TRIM60: variants seen among roughly 807,000 people sequenced by gnomAD.
TRIM60 encodes the protein tripartite motif-containing protein 60.
For missense variants in TRIM60, 524 were observed against 540.8 expected (o/e 0.97, Z 0.31); for synonymous variants, 189 against 195.2 (o/e 0.97, Z 0.27).
intron 1 of TRIM60, among the ~76,000 whole-genome samples, chr4:165,033,350 C>G (rs1017649646): frequency 1.3e-5 from 2 of 152,144 alleles, no homozygotes; most frequent in African/African-American, 2.4e-5. Context: ...GCATAAGAAT[C>G]AGAGTTGGTA....
Position 165,041,048 on chromosome 4 carries a change from A to G in TRIM60, c.976A>G (p.Ile326Val). Reference protein sequence around the residue: ...AVRYERKKRNICYDPRRFYVC... With the variant: ...AVRYERKKRNVCYDPRRFYVC... ...GCGATATGAAAGAAAAAAACGAAACATTTGTTATGACCCAAGGAGATTTTA... is the reference window on the plus strand; with the variant it reads ...GCGATATGAAAGAAAAAAACGAAACGTTTGTTATGACCCAAGGAGATTTTA... Residue 326 changes from isoleucine to valine, a missense_variant, in exon 3 of 3, where the codon ATT becomes GTT. By Grantham distance (29) the Ile-to-Val change is conservative. Transcript: ENST00000512596. 1 of 1,613,978 alleles carries G rather than the reference A, an allele frequency of 6.2e-7. No homozygotes were observed.
intron 2 of TRIM60, 86 bp from the exon 3 acceptor site, chr4:165,039,983 G>A: frequency 9.9e-7 from 1 of 1,012,452 alleles, no homozygotes; most frequent in Non-Finnish European, 1.5e-6. Context: ...GGTCTGGGAG[G>A]GGTATCCACT....
intron 1 of TRIM60, among the ~76,000 whole-genome samples, chr4:165,035,453 G>C (rs370452995): frequency 6.6e-6 from 1 of 152,226 alleles, no homozygotes; most frequent in Non-Finnish European, 1.5e-5. Context: ...GAAACCAAGC[G>C]TAAGCTTCCA....
intron 1 of TRIM60, among the ~76,000 whole-genome samples, chr4:165,038,294 AT>A (rs1387420309): frequency 6.6e-6 from 1 of 152,164 alleles, no homozygotes; most frequent in Admixed American, 6.5e-5. Context: ...TACATACTCC[AT>A]TTTTTCAATT....
intron 1 of TRIM60, among the ~76,000 whole-genome samples, chr4:165,034,191 C>A (rs1733568959): frequency 6.6e-6 from 1 of 150,612 alleles, no homozygotes; most frequent in African/African-American, 2.5e-5. Flanking sequence ...CTCACTCTGT[C>A]GCCCAGGATG....
In TRIM60 at chr4:165,041,696, T is replaced by G. The variant is rs1273823634; in HGVS notation, c.*208T>G. 1.0e-5 allele frequency: 4 copies of G among 398,456 alleles called. No individual in the cohort carries two copies. Among genetic ancestry groups the G allele is most frequent in the South Asian group, 2.4e-4 (2 of 8,294 alleles). The allele number at this position is 398,456 out of a possible 1,614,324, so 24.7% of individuals were successfully genotyped here. ...TGCTTTGATTTCTAAGATAAAATATTTTAGAATTATGTTACTTAACATGTC... is the reference window on the plus strand; with the variant it reads ...TGCTTTGATTTCTAAGATAAAATATGTTAGAATTATGTTACTTAACATGTC... On this transcript the variant is annotated 3_prime_UTR_variant, in exon 3 of 3. Transcript: ENST00000512596.
At chr4:165,039,800 G>A in intron 2 of TRIM60, among the ~76,000 whole-genome samples, 1 of 99,102 alleles carries the variant, frequency 1.0e-5, no homozygotes, top group East Asian at 2.8e-4. Context: ...GCGAGACTCC[G>A]TCTCAAAAAA....
At chr4:165,039,778 C>T (rs1733707443) in intron 2 of TRIM60, among the ~76,000 whole-genome samples, 1 of 136,824 alleles carries the variant, frequency 7.3e-6, no homozygotes, top group Non-Finnish European at 1.5e-5. Context: ...GCAGTCCGGC[C>T]TGGGCGACAG....
At chr4:165,038,754 A>G (rs567398021) in intron 1 of TRIM60, among the ~76,000 whole-genome samples, 206 of 151,488 alleles carry the variant, frequency 1.4e-3, no homozygotes, top group Non-Finnish European at 2.5e-3. Flanking sequence ...ATTGTTATAT[A>G]TACATACATA....
chr4:165,040,148 C>T lies in TRIM60; in HGVS notation c.76C>T (p.Pro26Ser), dbSNP rs1242880054. 3 of 1,614,000 alleles carry T rather than the reference C, an allele frequency of 1.9e-6. No individual in the cohort carries two copies. Among genetic ancestry groups the T allele is most frequent in the African/African-American group, 2.7e-5 (2 of 74,996 alleles). Reference sequence around the variant, plus strand: ...CATCTGTCTGGAGTACTTGAAAGACCCAGTGACCATCAACTGTGGGCACAA... The same window carrying T: ...CATCTGTCTGGAGTACTTGAAAGACTCAGTGACCATCAACTGTGGGCACAA... ...CPICLEYLKDPVTINCGHNFC... is the reference protein window; with the variant it reads ...CPICLEYLKDSVTINCGHNFC... The change falls in exon 3 of 3, where the codon CCA (proline) becomes TCA (serine). Residue 26 changes from proline (P) to serine (S), a missense_variant. Physicochemically the swap from Pro to Ser is moderately conservative, Grantham distance 74. Coordinates refer to ENST00000512596, the MANE Select transcript of TRIM60 (RefSeq NM_152620.3).
chr4:165,041,111 T>G lies in TRIM60; in HGVS notation c.1039T>G (p.Ser347Ala), dbSNP rs1733754888. Residue 347 changes from serine to alanine, a missense_variant, in exon 3 of 3, where the codon TCT becomes GCT. Transcript: ENST00000512596. ...TGTCCTAGGCTCTCAGAGATTTAGT[T>G]CTGGCCGACATTACTGGGAAGTAGA... is the stretch of plus-strand genomic sequence containing the variant. Reference protein sequence around the residue: ...PAVLGSQRFSSGRHYWEVEVG... With the variant: ...PAVLGSQRFSAGRHYWEVEVG... 2 of 1,614,246 alleles carry G rather than the reference T, an allele frequency of 1.2e-6. No individual in the cohort carries two copies. The highest frequency in any genetic ancestry group is 1.7e-6 in the Non-Finnish European group (2 of 1,180,038).
chr4:165,032,313 A>G (rs143351917), intron 1 of TRIM60, among the ~76,000 whole-genome samples: 206 of 152,280 alleles, frequency 1.4e-3, no homozygotes, highest in African/African-American at 4.6e-3. Context: ...CAGTGGCGCA[A>G]TCTCGCCTCA....
Position 165,041,529 on chromosome 4 carries a change from T to C in TRIM60, c.*41T>C. On this transcript the variant is annotated 3_prime_UTR_variant, in exon 3 of 3. Coordinates refer to ENST00000512596, the MANE Select transcript of TRIM60 (RefSeq NM_152620.3). ...GTCTGTTTCAGTTTTTGTAGGTAAC[T>C]TAGCCAGTAAATTTAATCTCATTTC... is the stretch of plus-strand genomic sequence containing the variant. 1 of 1,356,484 alleles carries C rather than the reference T, an allele frequency of 7.4e-7. No homozygotes were observed. The highest frequency in any genetic ancestry group is 1.0e-6 in the Non-Finnish European group (1 of 1,002,942). 84.0% of individuals were successfully genotyped at this position (1,356,484 alleles called of 1,614,324 possible).
In TRIM60 at chr4:165,040,103, C is replaced by G. The variant is rs577290345; in HGVS notation, c.31C>G (p.Gln11Glu). Residue 11 changes from glutamine to glutamate, a missense_variant, in exon 3 of 3, where the codon CAA becomes GAA. Gln to Glu is a conservative substitution (Grantham distance 29, BLOSUM62 2). Coordinates refer to ENST00000512596, the MANE Select transcript of TRIM60 (RefSeq NM_152620.3). ...GTTTGTGACAGCCCTGGTGAACCTC[C>G]AAGAGGAGTCTAGCTGTCCCATCTG... MEFVTALVNLQEESSCPICLE... is the reference protein window; with the variant it reads MEFVTALVNLEEESSCPICLE... The G allele has an allele frequency of 3.1e-6, 5 of 1,613,026 alleles. No homozygotes were observed. In the African/African-American group the frequency reaches 6.7e-5, roughly 22 times the overall value.
At chr4:165,036,401 T>C (rs1477768934) in intron 1 of TRIM60, among the ~76,000 whole-genome samples, 2 of 152,208 alleles carry the variant, frequency 1.3e-5, no homozygotes, top group Non-Finnish European at 2.9e-5. Context: ...GTTTACATCA[T>C]CTTACATGTT....
chr4:165,038,113 G>A (rs1054333338), intron 1 of TRIM60, among the ~76,000 whole-genome samples: 1 of 152,104 alleles, frequency 6.6e-6, no homozygotes, highest in African/African-American at 2.4e-5. Context: ...GATAGGATTT[G>A]TGAGGTGACC....
rs1333856373 is a variant in TRIM60, at chr4:165,039,201, G to T, written c.-56G>T. The T allele has an allele frequency of 1.3e-5, 2 of 151,880 alleles. No homozygotes were observed. Among genetic ancestry groups the T allele is most frequent in the African/African-American group, 2.4e-5 (1 of 41,360 alleles). The allele number at this position is 151,880 out of a possible 1,614,324, so 9.4% of individuals were successfully genotyped here. A position where few individuals can be genotyped will look rare whatever the true frequency, so the allele number is the denominator to read the frequency against. ...GGTAATGCTTTGCTCCCCATTGCAG[G>T]TCATCAGTTTGCCCCATCATTGGTT... On this transcript the variant is annotated splice_region_variant and 5_prime_UTR_variant, in exon 2 of 3. Coordinates refer to ENST00000512596, the MANE Select transcript of TRIM60 (RefSeq NM_152620.3).
chr4:165,034,998 C>T (rs1733589537), intron 1 of TRIM60, among the ~76,000 whole-genome samples: 1 of 152,170 alleles, frequency 6.6e-6, no homozygotes, highest in Admixed American at 6.6e-5. Flanking sequence ...GTATTAGTAT[C>T]CCCAAGACCA....
rs904749215 is a variant in TRIM60 at position 165,041,398 on chromosome 4, T to C, written c.1326T>C (p.Asp442=). Residue 442 remains aspartate, a synonymous_variant, in exon 3 of 3, where the codon GAT becomes GAC. Coordinates refer to ENST00000512596, the MANE Select transcript of TRIM60 (RefSeq NM_152620.3). ...GGTCTATTCTCTATACTTTTAACGA[T>C]TGTTTCACAGAAGCCGTTTGGCCTT... ...NDRSILYTFN[D]CFTEAVWPYF... is the part of the protein sequence containing the mutation. The C allele has an allele frequency of 6.2e-7, 1 of 1,613,284 alleles. No homozygotes were observed. The highest frequency in any genetic ancestry group is 1.3e-5 in the African/African-American group (1 of 74,842).
Sources: gnomAD v4.1 joint callset for allele counts (sites outside exome capture counted in the v4.1 genomes callset) on GRCh38, gnomAD v4.1.1 for gene constraint, MANE v1.5 for transcripts, NCBI Gene and HGNC (gene_info 2026-07-23, HGNC 2026-07-21) for gene names.